The following THSD7A variants were observed in gnomAD, a reference collection of about 807,000 sequenced individuals.
THSD7A encodes the protein thrombospondin type-1 domain-containing protein 7A.
In THSD7A, 96 loss-of-function variants were observed where a neutral mutation model predicts 231.3. The observed-to-expected ratio is 0.41, with a 90% CI of 0.35 to 0.49. The LOEUF (loss-of-function observed/expected upper bound fraction) is 0.49. Ranked by LOEUF, THSD7A falls within the 20% of genes least tolerant of loss-of-function variation. The probability of loss-of-function intolerance (pLI) is 0.05; values close to 1 mark genes in which losing one functional copy is unlikely to be tolerated. For synonymous variants in THSD7A, 940 were observed against 743.3 expected, an observed-to-expected ratio of 1.26 and a Z score of -4.30; for missense variants, 2,290 against 2,070.2, an observed-to-expected ratio of 1.11 and a Z score of -2.06.
At chr7:11,682,150 G>T (rs1783893725) in intron 1 of THSD7A, among the ~76,000 whole-genome samples, 1 of 151,996 alleles carries the variant, frequency 6.6e-6, no homozygotes, top group Non-Finnish European at 1.5e-5. Context: ...TGCCACAAAA[G>T]TACATGTAAG....
Position 11,411,164 on chromosome 7 carries a change from G to T in THSD7A, c.3798+43C>A. 1 of 1,461,658 alleles carries T rather than the reference G, an allele frequency of 6.8e-7. No individual in the cohort carries two copies. Among genetic ancestry groups the T allele is most frequent in the South Asian group, 1.2e-5 (1 of 85,100 alleles). 90.5% of individuals were successfully genotyped at this position (1,461,658 alleles called of 1,614,324 possible). On this transcript the variant is annotated intron_variant, in intron 19 of 27. Coordinates refer to ENST00000423059, the MANE Select transcript of THSD7A (RefSeq NM_015204.3). The surrounding 1 kb of genome is among the most constrained non-coding windows in gnomAD (Gnocchi z 4.1). ...GGCTCAGCATGAATTGAAATTATTA[G>T]GGAAGAATTTACTCGCGAAGATATA...
intron 1 of THSD7A, among the ~76,000 whole-genome samples, chr7:11,675,086 C>A (rs1053690282): frequency 6.6e-6 from 1 of 151,938 alleles, no homozygotes; most frequent in African/African-American, 2.4e-5. Context: ...TTTATTGGGA[C>A]TGGTTAGAAA....
chr7:11,636,101 T>A lies in THSD7A; in HGVS notation c.1022+29A>T. Reference sequence around the variant, plus strand: ...ACTCATGATTCTTGACAGACAAGCCTGTGTAGTTAACAGTAATTAAAATGT... The same window carrying A: ...ACTCATGATTCTTGACAGACAAGCCAGTGTAGTTAACAGTAATTAAAATGT... On this transcript the variant is annotated intron_variant, in intron 2 of 27. Transcript: ENST00000423059. The surrounding 1 kb of genome is among the most constrained non-coding windows in gnomAD (Gnocchi z 10.0). 1 of 1,570,192 alleles carries A rather than the reference T, an allele frequency of 6.4e-7. No individual in the cohort carries two copies.
chr7:11,465,705 G>A (rs1785675045), intron 9 of THSD7A, among the ~76,000 whole-genome samples: 1 of 151,984 alleles, frequency 6.6e-6, no homozygotes, highest in Non-Finnish European at 1.5e-5. Flanking sequence ...TAATTCTAGT[G>A]CTCTAGTGAT....
At chr7:11,689,703 A>G (rs1780172870) in intron 1 of THSD7A, among the ~76,000 whole-genome samples, 1 of 151,614 alleles carries the variant, frequency 6.6e-6, no homozygotes, top group Non-Finnish European at 1.5e-5. Flanking sequence ...GATTTCAAAA[A>G]ATATAAGAGT....
intron 6 of THSD7A, among the ~76,000 whole-genome samples, chr7:11,530,969 C>T (rs549635739): frequency 7.9e-5 from 12 of 152,224 alleles, no homozygotes; most frequent in Admixed American, 3.9e-4. Context: ...TGAGATCGTG[C>T]CACTGCACTC....
rs1476176561 is a variant in THSD7A, at chr7:11,370,794, A to ACTT, written c.*4999_*5000insAAG. 7 of 152,304 alleles carry ACTT rather than the reference A, an allele frequency of 4.6e-5. No individual in the cohort carries two copies. The highest frequency in any genetic ancestry group is 1.7e-4 in the African/African-American group (7 of 41,582). The allele number at this position is 152,304 out of a possible 1,614,324, so 9.4% of individuals were successfully genotyped here. ...ATAGAAAGACAGATTGCAAATTTTAATAAAGTTATATTTTACAATGATAGA... is the reference window on the plus strand; with the variant it reads ...ATAGAAAGACAGATTGCAAATTTTAACTTTAAAGTTATATTTTACAATGATAGA... On this transcript the variant is annotated 3_prime_UTR_variant, in exon 28 of 28. Coordinates refer to ENST00000423059, the MANE Select transcript of THSD7A (RefSeq NM_015204.3).
At chr7:11,513,950 C>T (rs1787922838) in intron 6 of THSD7A, among the ~76,000 whole-genome samples, 1 of 151,924 alleles carries the variant, frequency 6.6e-6, no homozygotes. Flanking sequence ...CACACACACA[C>T]ACACAAATGT....
At position 11,636,925 on chromosome 7, in the gene THSD7A, G is replaced by A. The variant is rs1781886488; in HGVS notation, c.227C>T (p.Pro76Leu). 1.2e-6 allele frequency: 2 copies of A among 1,612,016 alleles called. No homozygotes were observed. Among genetic ancestry groups the A allele is most frequent in the Non-Finnish European group, 1.7e-6 (2 of 1,179,650 alleles). Residue 76 changes from proline to leucine, a missense_variant, in exon 2 of 28, where the codon CCC becomes CTC. Transcript: ENST00000423059. The surrounding 1 kb of genome is among the most constrained non-coding windows in gnomAD (Gnocchi z 10.0). ...WGRCMGDECG[P>L]GGIQTRAVWC... ...CACAGCCCTCGTTTGGATGCCTCCGGGACCACATTCATCTCCCATACATCG... is the reference window on the plus strand; with the variant it reads ...CACAGCCCTCGTTTGGATGCCTCCGAGACCACATTCATCTCCCATACATCG...
In THSD7A at chr7:11,780,326, A is replaced by G. The variant is rs573761888; in HGVS notation, c.190+51431T>C. Among the ~76,000 whole-genome samples the G allele has an allele frequency of 3.3e-5, 5 of 152,262 alleles. No individual in the cohort carries two copies. In the South Asian group the frequency reaches 1.0e-3, roughly 32 times the overall value. ...TTTCTTCCCACACTGAATAAGGCTG[A>G]CCTATATAACCAATAGAATACTGCA... On this transcript the variant is annotated intron_variant, in intron 1 of 27. Transcript: ENST00000423059.
intron 1 of THSD7A, among the ~76,000 whole-genome samples, chr7:11,721,075 G>T (rs894328880): frequency 6.6e-6 from 1 of 151,694 alleles, no homozygotes; most frequent in Non-Finnish European, 1.5e-5. Flanking sequence ...TCTCTAATTT[G>T]ATTTGATTAA....
At chr7:11,581,378 T>C (rs1444478210) in intron 4 of THSD7A, among the ~76,000 whole-genome samples, 1 of 152,118 alleles carries the variant, frequency 6.6e-6, no homozygotes, top group Admixed American at 6.5e-5. Flanking sequence ...ATGACTCATA[T>C]ACTTTATTAG....
At chr7:11,582,067 A>G (rs537844993) in intron 4 of THSD7A, among the ~76,000 whole-genome samples, 128 of 152,120 alleles carry the variant, frequency 8.4e-4, no homozygotes, top group African/African-American at 2.8e-3. Context: ...TTACTCTGAC[A>G]TTTTAAAGCT....
At chr7:11,767,555 C>T (rs1285453419) in intron 1 of THSD7A, among the ~76,000 whole-genome samples, 1 of 152,100 alleles carries the variant, frequency 6.6e-6, no homozygotes, top group Non-Finnish European at 1.5e-5. Flanking sequence ...GTTAACTTTC[C>T]ACATGATTTT....
At chr7:11,526,416 G>C (rs974349384) in intron 6 of THSD7A, among the ~76,000 whole-genome samples, 1 of 152,202 alleles carries the variant, frequency 6.6e-6, no homozygotes, top group East Asian at 1.9e-4. Context: ...TATCCACTGT[G>C]CCCCTTGGCA....
At chr7:11,747,994 G>C (rs985808752) in intron 1 of THSD7A, among the ~76,000 whole-genome samples, 1 of 151,956 alleles carries the variant, frequency 6.6e-6, no homozygotes, top group African/African-American at 2.4e-5. Context: ...GAGCAGTGAG[G>C]AAGAGAAAGT....
rs1554339270 is a variant in THSD7A, at chr7:11,566,970, G to GGC, written c.1453+23489_1453+23490insGC. On this transcript the variant is annotated intron_variant, in intron 4 of 27. Coordinates refer to ENST00000423059, the MANE Select transcript of THSD7A (RefSeq NM_015204.3). ...TGGATCCAGCTGTGGGAGAGTGGGG[G>GGC]GGGGACTGACCAACAAAGTTTCCTA... Among the ~76,000 whole-genome samples, 6 of 111,028 alleles carry GGC rather than the reference G, an allele frequency of 5.4e-5. 1 individual carries two copies. The highest frequency in any genetic ancestry group is 2.2e-4 in the African/African-American group (6 of 27,808). 72.8% of individuals were successfully genotyped at this position (111,028 alleles called of 152,430 possible).
chr7:11,455,247 C>T lies in THSD7A; in HGVS notation c.2605+5415G>A, dbSNP rs1480796674. 4.6e-5 allele frequency among the ~76,000 whole-genome samples: 7 copies of T among 151,984 alleles called. No homozygotes were observed. In the East Asian group the frequency reaches 9.6e-4, roughly 21 times the overall value. On this transcript the variant is annotated intron_variant, in intron 11 of 27. Coordinates refer to ENST00000423059, the MANE Select transcript of THSD7A (RefSeq NM_015204.3). ...CTGGCACCTTGACCTTCACATGCAC[C>T]AGAACTGTGAGAAATAAATTTTTGT...
chr7:11,460,591 T>C, intron 11 of THSD7A, 71 bp downstream of exon 11: 1 of 1,227,674 alleles, frequency 8.1e-7, no homozygotes. Context: ...GGTGTCCAAG[T>C]GGCAAATGCA....
Sources: gnomAD v4.1 joint callset for allele counts (sites outside exome capture counted in the v4.1 genomes callset) on GRCh38, gnomAD v4.1.1 for gene constraint, Gnocchi (gnomAD v3.1) non-coding constraint, MANE v1.5 for transcripts, NCBI Gene and HGNC (gene_info 2026-07-23, HGNC 2026-07-21) for gene names.